The following EPS15L1 variants were observed in gnomAD, a reference collection of about 807,000 sequenced individuals.
The protein encoded by EPS15L1 is epidermal growth factor receptor pathway substrate 15 like 1.
EPS15L1 carries 43 observed loss-of-function variants against 117.1 expected under a neutral mutation model. The ratio of observed to expected loss-of-function variants is 0.37; its 90% CI spans 0.29 to 0.47. The LOEUF is 0.47. EPS15L1 is among the 20% of genes least tolerant of loss of function. The pLI, the probability that EPS15L1 is intolerant of heterozygous loss-of-function variation, is 0.99. For missense variants in EPS15L1, 981 were observed against 1,164.0 expected (o/e 0.84, Z 2.29); for synonymous variants, 459 against 470.5 (o/e 0.98, Z 0.32).
intron 23 of EPS15L1, chr19:16,361,503 A>T (rs1005395591): frequency 1.0e-6 from 1 of 965,018 alleles, no homozygotes; most frequent in Non-Finnish European, 1.3e-6. Context: ...TAATACAATG[A>T]ATCTACCGTG....
intron 7 of EPS15L1, among the ~76,000 whole-genome samples, chr19:16,430,746 T>C (rs1420951898): frequency 6.6e-6 from 1 of 152,202 alleles, no homozygotes; most frequent in African/African-American, 2.4e-5. Flanking sequence ...GATGCACAGA[T>C]GGATGACAGC....
At chr19:16,374,703 G>C (rs2092270867) in intron 22 of EPS15L1, among the ~76,000 whole-genome samples, 1 of 152,204 alleles carries the variant, frequency 6.6e-6, no homozygotes, top group African/African-American at 2.4e-5. Flanking sequence ...CTTTGCACCT[G>C]TGAGCTGTTG....
intron 3 of EPS15L1, 27 bp from the exon 4 acceptor site, chr19:16,440,936 G>A (rs1215483022): frequency 9.3e-6 from 15 of 1,612,736 alleles, no homozygotes; most frequent in Non-Finnish European, 1.2e-5. Context: ...ATGCTCATAA[G>A]CATGACTGCC....
chr19:16,377,080 G>A (rs201804789), intron 22 of EPS15L1, 42 bp downstream of exon 22: 132 of 1,558,940 alleles, frequency 8.5e-5, no homozygotes, highest in Admixed American at 7.2e-4. Context: ...CCGCCATCCG[G>A]CACCGGTAGG....
In EPS15L1 at chr19:16,400,091, T is replaced by C. The variant is rs146294582; in HGVS notation, c.1791+2230A>G. 2.4e-3 allele frequency among the ~76,000 whole-genome samples: 363 copies of C among 152,168 alleles called. 2 individuals are homozygous for C. The Middle Eastern group carries it at 0.031, about 13-fold the overall frequency. ...GTGGCTCACGCCTGTAATCCCAGCATTTGGGGAGGTCGAGGCGGGCAGATT... is the reference window on the plus strand; with the variant it reads ...GTGGCTCACGCCTGTAATCCCAGCACTTGGGGAGGTCGAGGCGGGCAGATT... On this transcript the variant is annotated intron_variant, in intron 16 of 23. Coordinates refer to ENST00000455140, the MANE Select transcript of EPS15L1 (RefSeq NM_001258374.3).
chr19:16,427,766 C>T (rs4808505), intron 8 of EPS15L1, among the ~76,000 whole-genome samples: 5,661 of 152,154 alleles, frequency 0.037, 310 homozygotes, highest in East Asian at 0.27. Context: ...TGATGGAGTG[C>T]ACCTGTAATT....
intron 1 of EPS15L1, among the ~76,000 whole-genome samples, chr19:16,454,610 C>T (rs1289513681): frequency 6.6e-6 from 1 of 152,180 alleles, no homozygotes; most frequent in Non-Finnish European, 1.5e-5. Context: ...ATGCTCGGGG[C>T]TCAAGGCCTC....
intron 18 of EPS15L1, among the ~76,000 whole-genome samples, chr19:16,392,970 A>AG (rs2092493826): frequency 6.6e-6 from 1 of 151,934 alleles, no homozygotes; most frequent in Non-Finnish European, 1.5e-5. Flanking sequence ...TGAGCCCAGG[A>AG]GGTCAAGGCT....
At chr19:16,368,574 G>T (rs2092172718) in intron 22 of EPS15L1, among the ~76,000 whole-genome samples, 2 of 150,994 alleles carry the variant, frequency 1.3e-5, no homozygotes, top group African/African-American at 4.9e-5. Context: ...CCACACAACT[G>T]TTATTCATTC....
intron 1 of EPS15L1, among the ~76,000 whole-genome samples, chr19:16,445,589 C>T (rs1051656234): frequency 2.6e-5 from 4 of 152,150 alleles, no homozygotes; most frequent in African/African-American, 9.7e-5. Flanking sequence ...ACTGAAGACA[C>T]ATGTTGCTAA....
At chr19:16,362,174 G>A (rs549702769) in intron 22 of EPS15L1, among the ~76,000 whole-genome samples, 190 bp from the exon 23 acceptor site, 1 of 152,092 alleles carries the variant, frequency 6.6e-6, no homozygotes, top group Non-Finnish European at 1.5e-5. Context: ...GGGGCTTAAC[G>A]GGTTGTGAAC....
intron 17 of EPS15L1, among the ~76,000 whole-genome samples, chr19:16,394,624 T>G (rs1323654470): frequency 2.6e-5 from 4 of 152,246 alleles, no homozygotes; most frequent in African/African-American, 9.6e-5. Context: ...TTAGTTATTC[T>G]TGACTCAGGT....
intron 21 of EPS15L1, among the ~76,000 whole-genome samples, chr19:16,378,006 T>C (rs2092316827): frequency 6.6e-6 from 1 of 152,116 alleles, no homozygotes; most frequent in Non-Finnish European, 1.5e-5. Context: ...CAGAGATAGT[T>C]ATAACAATTG....
intron 1 of EPS15L1, among the ~76,000 whole-genome samples, chr19:16,464,273 G>A (rs1599695183): frequency 6.6e-6 from 1 of 152,186 alleles, no homozygotes; most frequent in South Asian, 2.1e-4. Context: ...CCTATGAAGG[G>A]AAAAGCCCAA....
At position 16,371,027 on chromosome 19, in the gene EPS15L1, T is replaced by C. The variant is rs1240755791; in HGVS notation, c.2380+6095A>G. 6.6e-6 allele frequency among the ~76,000 whole-genome samples: 1 copy of C among 152,238 alleles called. No individual in the cohort carries two copies. The highest frequency in any genetic ancestry group is 1.5e-5 in the Non-Finnish European group (1 of 68,042). On this transcript the variant is annotated intron_variant, in intron 22 of 23. Coordinates refer to ENST00000455140, the MANE Select transcript of EPS15L1 (RefSeq NM_001258374.3). This position sits in a 1 kb window ranked among gnomAD's most constrained non-coding sequence, Gnocchi z 4.7. ...AATTTCACATGTACCCACCGGATTA[T>C]CTCTCTGAGATCATCGTGGGAACGA...
intron 23 of EPS15L1, among the ~76,000 whole-genome samples, chr19:16,360,326 T>C (rs753804038): frequency 1.3e-5 from 2 of 152,188 alleles, no homozygotes; most frequent in Admixed American, 6.5e-5. Flanking sequence ...CAGGTTTTGT[T>C]TCTGGCTTTT....
rs770146346 is a variant in EPS15L1 at position 16,405,900 on chromosome 19, A to G, written c.1267-1151T>C. Reference sequence around the variant, plus strand: ...CTGAAATAGCACAACGGGCATTGTGACAAGCCTCCTCCCTCCAGCTGCCAT... The same window carrying G: ...CTGAAATAGCACAACGGGCATTGTGGCAAGCCTCCTCCCTCCAGCTGCCAT... On this transcript the variant is annotated intron_variant, in intron 13 of 23. Transcript: ENST00000455140. The surrounding 1 kb of genome is among the most constrained non-coding windows in gnomAD (Gnocchi z 4.0). Among the ~76,000 whole-genome samples, 9 of 152,224 alleles carry G rather than the reference A, an allele frequency of 5.9e-5. No homozygotes were observed. The highest frequency in any genetic ancestry group is 1.2e-4 in the Non-Finnish European group (8 of 68,030).
intron 10 of EPS15L1, among the ~76,000 whole-genome samples, chr19:16,419,552 C>T (rs991071569): frequency 2.0e-5 from 3 of 152,204 alleles, no homozygotes; most frequent in African/African-American, 7.2e-5. Flanking sequence ...AAAATGTCTT[C>T]CTTCACCCAT....
At position 16,471,951 on chromosome 19, in the gene EPS15L1, C is replaced by T. The variant is rs759682385; in HGVS notation, c.-6G>A. ...GGGATGAGCGGCGCCGCCATCTTCC[C>T]GCGGACTCGGGCTCCGAGCGCCGGG... On this transcript the variant is annotated 5_prime_UTR_variant, in exon 1 of 24. Transcript: ENST00000455140. This position sits in a 1 kb window ranked among gnomAD's most constrained non-coding sequence, Gnocchi z 4.8. The T allele has an allele frequency of 1.0e-5, 13 of 1,287,600 alleles. No individual in the cohort carries two copies. The highest frequency in any genetic ancestry group is 5.9e-4 in the Middle Eastern group (2 of 3,370). The allele number at this position is 1,287,600 out of a possible 1,614,324, so 79.8% of individuals were successfully genotyped here.
Sources: gnomAD v4.1 joint callset for allele counts (sites outside exome capture counted in the v4.1 genomes callset) on GRCh38, gnomAD v4.1.1 for gene constraint, Gnocchi (gnomAD v3.1) non-coding constraint, MANE v1.5 for transcripts, NCBI Gene and HGNC (gene_info 2026-07-23, HGNC 2026-07-21) for gene names.